Variants in MBD5 observed in about 807,000 individuals in gnomAD.
MBD5 encodes the protein methyl-CpG-binding domain protein 5.
A neutral mutation model predicts 117.3 loss-of-function variants in MBD5; 13 were observed. That is an observed-to-expected ratio of 0.11 (90% CI 0.07 to 0.18). MBD5 has a LOEUF of 0.18. MBD5 is among the 10% of genes least tolerant of loss of function. The pLI, the probability that MBD5 is intolerant of heterozygous loss-of-function variation, is 1.00. For missense variants in MBD5, 1,879 were observed against 2,093.8 expected, an observed-to-expected ratio of 0.90 and a Z score of 2.00; for synonymous variants, 727 against 766.4, an observed-to-expected ratio of 0.95 and a Z score of 0.85.
Position 148,470,406 on chromosome 2 carries a change from T to A in MBD5, c.2463T>A (p.Thr821=). The change falls in exon 8 of 14, where the codon ACT becomes ACA. Residue 821 remains threonine (T), a synonymous_variant. Coordinates refer to ENST00000642680, the MANE Select transcript of MBD5 (RefSeq NM_001378120.1). ...AGTCAAGAATTTCAACGTCCTCCACTCCAGTGATACCAAACAGCATTGTTA... is the reference window on the plus strand; with the variant it reads ...AGTCAAGAATTTCAACGTCCTCCACACCAGTGATACCAAACAGCATTGTTA... ...PPQSRISTSS[T]PVIPNSIVSS... The A allele has an allele frequency of 6.2e-7, 1 of 1,612,834 alleles. No individual in the cohort carries two copies. Among genetic ancestry groups the A allele is most frequent in the Non-Finnish European group, 8.5e-7 (1 of 1,179,228 alleles).
At chr2:148,334,368 C>T (rs759295401) in intron 3 of MBD5, among the ~76,000 whole-genome samples, 2 of 151,876 alleles carry the variant, frequency 1.3e-5, no homozygotes, top group Non-Finnish European at 2.9e-5. Flanking sequence ...AGGTCTCATT[C>T]TGTCACTGGG....
At chr2:148,194,720 C>A (rs1466612966) in intron 2 of MBD5, among the ~76,000 whole-genome samples, 3 of 121,704 alleles carry the variant, frequency 2.5e-5, no homozygotes, top group African/African-American at 5.8e-5. Context: ...TGTAACTAAC[C>A]TGCACAATGT....
chr2:148,148,991 A>C (rs1157295928), intron 1 of MBD5, among the ~76,000 whole-genome samples: 1 of 151,902 alleles, frequency 6.6e-6, no homozygotes, highest in Admixed American at 6.5e-5. Context: ...CACATTGTGC[A>C]GGTTACTTAC....
At chr2:148,265,991 C>T (rs555068838) in intron 3 of MBD5, among the ~76,000 whole-genome samples, 169 of 151,882 alleles carry the variant, frequency 1.1e-3, no homozygotes, top group Middle Eastern at 0.01. Flanking sequence ...ATTCAAATGG[C>T]GACTTAGATT....
At chr2:148,239,612 A>G (rs1328339950) in intron 3 of MBD5, among the ~76,000 whole-genome samples, 1 of 151,418 alleles carries the variant, frequency 6.6e-6, no homozygotes, top group Non-Finnish European at 1.5e-5. Flanking sequence ...GATAATGTTT[A>G]TGGGTTATAT....
intron 3 of MBD5, among the ~76,000 whole-genome samples, chr2:148,331,904 T>A (rs1302745308): frequency 1.3e-5 from 2 of 152,074 alleles, no homozygotes; most frequent in Non-Finnish European, 2.9e-5. Flanking sequence ...ATTCTTAAAA[T>A]CACTCAAAAA....
At chr2:148,132,128 G>C (rs955711741) in intron 1 of MBD5, among the ~76,000 whole-genome samples, 4 of 151,934 alleles carry the variant, frequency 2.6e-5, no homozygotes, top group South Asian at 2.1e-4. Context: ...CTATTACAAG[G>C]CTTAAATGAG....
In MBD5 at chr2:148,112,056, C is replaced by T. The variant is rs373009268; in HGVS notation, c.-924-66644C>T. Among the ~76,000 whole-genome samples the T allele has an allele frequency of 9.9e-5, 15 of 152,234 alleles. No homozygotes were observed. In the East Asian group the frequency reaches 2.9e-3, roughly 29 times the overall value. ...AACTGAAACCATGGAAAAGGAGCAA[C>T]AACTGTACATATACACAAACACATA... On this transcript the variant is annotated intron_variant, in intron 1 of 13. Transcript: ENST00000642680.
chr2:148,509,166 T>C (rs1054111449), intron 12 of MBD5, among the ~76,000 whole-genome samples: 10 of 152,184 alleles, frequency 6.6e-5, no homozygotes, highest in African/African-American at 2.2e-4. Context: ...CTAGTAATTG[T>C]CATGACAGGG....
intron 1 of MBD5, among the ~76,000 whole-genome samples, chr2:148,112,546 A>G (rs754899012): frequency 6.6e-6 from 1 of 152,206 alleles, no homozygotes; most frequent in African/African-American, 2.4e-5. Context: ...AGGAATTATC[A>G]CATGAGCCTC....
intron 3 of MBD5, among the ~76,000 whole-genome samples, chr2:148,270,798 C>A (rs1700967855): frequency 6.6e-6 from 1 of 152,050 alleles, no homozygotes; most frequent in African/African-American, 2.4e-5. Context: ...TTCTTGGATT[C>A]CTACAGCAGG....
At chr2:148,110,504 C>T (rs1424114093) in intron 1 of MBD5, among the ~76,000 whole-genome samples, 1 of 152,098 alleles carries the variant, frequency 6.6e-6, no homozygotes, top group East Asian at 1.9e-4. Flanking sequence ...CAGAGCTCCC[C>T]TGTTGAATCT....
intron 3 of MBD5, among the ~76,000 whole-genome samples, chr2:148,266,054 G>T (rs76349886): frequency 0.017 from 2,548 of 152,200 alleles, 28 homozygotes; most frequent in East Asian, 0.035. Context: ...CTTTTCTTTT[G>T]ATTTTAATAT....
intron 3 of MBD5, among the ~76,000 whole-genome samples, chr2:148,294,227 T>G (rs375579626): frequency 0.28 from 38,346 of 138,282 alleles, 6,253 homozygotes; most frequent in East Asian, 0.58. Flanking sequence ...TTTTTTTTTT[T>G]TTTTTTTTTT....
At chr2:148,114,374 G>T (rs556603537) in intron 1 of MBD5, among the ~76,000 whole-genome samples, 1 of 152,210 alleles carries the variant, frequency 6.6e-6, no homozygotes, top group South Asian at 2.1e-4. Context: ...GGAGGCTGAG[G>T]CAGGAGAATC....
At chr2:148,421,709 G>A (rs983992672) in intron 4 of MBD5, among the ~76,000 whole-genome samples, 2 of 152,138 alleles carry the variant, frequency 1.3e-5, no homozygotes, top group African/African-American at 4.8e-5. Context: ...CAGCACAGCA[G>A]TCTGAGGTCC....
intron 4 of MBD5, among the ~76,000 whole-genome samples, chr2:148,393,651 T>A (rs1364515173): frequency 6.6e-6 from 1 of 152,154 alleles, no homozygotes; most frequent in African/African-American, 2.4e-5. Flanking sequence ...TATACCAAAT[T>A]TGAGGGTCAG....
intron 3 of MBD5, among the ~76,000 whole-genome samples, chr2:148,297,229 A>G (rs1278676124): frequency 6.6e-6 from 1 of 152,146 alleles, no homozygotes; most frequent in Non-Finnish European, 1.5e-5. Context: ...TGGACTTTCT[A>G]GATAGCATAT....
chr2:148,353,778 A>G (rs1355756332), intron 4 of MBD5, among the ~76,000 whole-genome samples: 3 of 151,796 alleles, frequency 2.0e-5, no homozygotes, highest in African/African-American at 7.3e-5. Context: ...CCAGGGTTTC[A>G]CCATGTTGCC....
Sources: gnomAD v4.1 joint callset for allele counts (sites outside exome capture counted in the v4.1 genomes callset) on GRCh38, gnomAD v4.1.1 for gene constraint, MANE v1.5 for transcripts, NCBI Gene and HGNC (gene_info 2026-07-23, HGNC 2026-07-21) for gene names.